Variants in BDH2 observed in about 807,000 individuals in gnomAD.
BDH2 encodes dehydrogenase/reductase SDR family member 6.
A neutral mutation model predicts 33.2 loss-of-function variants in BDH2; 24 were observed. The observed-to-expected ratio is 0.72, with a 90% confidence interval of 0.52 to 1.02. The LOEUF is 1.02. Among genes scored for constraint, BDH2 ranks in the 50% least tolerant of loss-of-function variants. The pLI, the probability that BDH2 is intolerant of heterozygous loss-of-function variation, is 0.00. For synonymous variants in BDH2, 81 were observed against 101.6 expected (o/e 0.80, Z 1.22); for missense variants, 249 against 301.6 (o/e 0.83, Z 1.29).
intron 5 of BDH2, among the ~76,000 whole-genome samples, chr4:103,090,826 A>G (rs1341693098): frequency 1.3e-5 from 2 of 152,070 alleles, no homozygotes; most frequent in East Asian, 1.9e-4. Context: ...TCTTCATTAT[A>G]TTTAAAACCA....
chr4:103,078,842 A>G lies in BDH2; in HGVS notation c.*860T>C, dbSNP rs1171162200. Among the ~76,000 whole-genome samples the G allele has an allele frequency of 6.6e-6, 1 of 152,104 alleles. No individual in the cohort carries two copies. The highest frequency in any genetic ancestry group is 1.5e-5 in the Non-Finnish European group (1 of 68,026). On this transcript the variant is annotated 3_prime_UTR_variant, in exon 10 of 10. Transcript: ENST00000296424. Reference sequence around the variant, plus strand: ...ATGATTACAGCTCACTGCAGCCTCAAACTCTTGGGCTCAAGTAATCCTCCT... The same window carrying G: ...ATGATTACAGCTCACTGCAGCCTCAGACTCTTGGGCTCAAGTAATCCTCCT...
intron 7 of BDH2, among the ~76,000 whole-genome samples, chr4:103,083,135 T>C (rs1747604978): frequency 6.6e-6 from 1 of 152,232 alleles, no homozygotes; most frequent in Non-Finnish European, 1.5e-5. Flanking sequence ...ACACAGACTA[T>C]GATTCTTCGT....
In BDH2 at chr4:103,082,253, G is replaced by A. The variant is rs1747562288; in HGVS notation, c.592-80C>T. 4 of 1,251,140 alleles carry A rather than the reference G, an allele frequency of 3.2e-6. No individual in the cohort carries two copies. In the African/African-American group the frequency reaches 5.9e-5, roughly 18 times the overall value. The allele number at this position is 1,251,140 out of a possible 1,614,324, so 77.5% of individuals were successfully genotyped here. A position where few individuals can be genotyped will look rare whatever the true frequency, so the allele number is the denominator to read the frequency against. ...CCTGCATCTTGTTCAAGGAGTTAAA[G>A]GCAAGAGAATCCACTGGCTTGCTGC... On this transcript the variant is annotated intron_variant, in intron 8 of 9. Transcript: ENST00000296424.
At chr4:103,086,296 CACTGGCT>C in intron 6 of BDH2, 177 bp downstream of exon 6, 1 of 1,304,706 alleles carries the variant, frequency 7.7e-7, no homozygotes, top group Non-Finnish European at 9.7e-7. Flanking sequence ...TTAATTTTAC[CACTGGCT>C]CACATCGAGA....
chr4:103,083,721 T>C (rs77439163), intron 7 of BDH2, among the ~76,000 whole-genome samples: 2,014 of 152,310 alleles, frequency 0.013, 37 homozygotes, highest in African/African-American at 0.042. Context: ...CTTTCTGAGG[T>C]TGTAACAAAT....
intron 4 of BDH2, chr4:103,092,342 G>GT: frequency 2.2e-6 from 1 of 446,518 alleles, no homozygotes; most frequent in Non-Finnish European, 4.0e-6. Context: ...TCCATACATT[G>GT]TAACACATAA....
At chr4:103,089,667 G>A (rs1229216106) in intron 5 of BDH2, among the ~76,000 whole-genome samples, 2 of 152,072 alleles carry the variant, frequency 1.3e-5, no homozygotes, top group East Asian at 3.9e-4. Context: ...TTGCAAATGA[G>A]TCTCATGCAT....
intron 5 of BDH2, 145 bp from the exon 6 acceptor site, chr4:103,086,685 G>C: frequency 3.9e-6 from 4 of 1,031,088 alleles, no homozygotes; most frequent in Non-Finnish European, 5.4e-6. Flanking sequence ...CTATTAAGCA[G>C]TCTTAACAGT....
rs1213084826 is a variant in BDH2, at chr4:103,086,265, A to T, written c.418+215T>A. The T allele has an allele frequency of 4.6e-6, 6 of 1,308,276 alleles. No homozygotes were observed. The Admixed American group carries it at 1.8e-4, about 39-fold the overall frequency. The allele number at this position is 1,308,276 out of a possible 1,614,324, so 81.0% of individuals were successfully genotyped here. On this transcript the variant is annotated intron_variant, in intron 6 of 9. Coordinates refer to ENST00000296424, the MANE Select transcript of BDH2 (RefSeq NM_020139.4). ...CATTAGAAAGAATAAAAGGGAGGGC[A>T]AAAATACCCCACATTTTAATTTAAT...
At position 103,079,659 on chromosome 4, in the gene BDH2, A is replaced by G. The variant is rs770080083; in HGVS notation, c.*43T>C. On this transcript the variant is annotated 3_prime_UTR_variant, in exon 10 of 10. Transcript: ENST00000296424. Reference sequence around the variant, plus strand: ...TTCTTCGTAACCAGGTTCACTGTGGATAGGAAGGGCCTGCCTTCCTTCCCA... The same window carrying G: ...TTCTTCGTAACCAGGTTCACTGTGGGTAGGAAGGGCCTGCCTTCCTTCCCA... 14 of 1,578,560 alleles carry G rather than the reference A, an allele frequency of 8.9e-6. No individual in the cohort carries two copies. Among genetic ancestry groups the G allele is most frequent in the African/African-American group, 2.7e-5 (2 of 74,244 alleles).
chr4:103,095,337 T>C (rs1748350184), intron 2 of BDH2, 56 bp from the exon 3 acceptor site: 2 of 1,295,906 alleles, frequency 1.5e-6, no homozygotes, highest in South Asian at 2.4e-5. Context: ...ACTGTGCTCA[T>C]GAATGGAACA....
intron 3 of BDH2, among the ~76,000 whole-genome samples, chr4:103,093,721 G>A (rs1218283867): frequency 6.8e-6 from 1 of 146,022 alleles, no homozygotes; most frequent in Admixed American, 6.9e-5. Flanking sequence ...AATAATATAT[G>A]TATAATACAT....
chr4:103,093,110 G>A (rs913160509), intron 3 of BDH2, among the ~76,000 whole-genome samples: 3 of 151,892 alleles, frequency 2.0e-5, no homozygotes, highest in Non-Finnish European at 4.4e-5. Flanking sequence ...TCTCTTCTTT[G>A]AGGTATAATT....
chr4:103,080,859 T>A (rs970880768), intron 9 of BDH2, among the ~76,000 whole-genome samples: 3 of 152,278 alleles, frequency 2.0e-5, no homozygotes, highest in African/African-American at 7.2e-5. Flanking sequence ...AAGGCTCATG[T>A]GCTTCTTCAT....
intron 5 of BDH2, among the ~76,000 whole-genome samples, chr4:103,088,726 G>A (rs1396483664): frequency 6.6e-6 from 1 of 152,164 alleles, no homozygotes; most frequent in Non-Finnish European, 1.5e-5. Flanking sequence ...GTCTTACTCT[G>A]ACCCAGCCCT....
intron 5 of BDH2, among the ~76,000 whole-genome samples, chr4:103,090,148 C>T: frequency 6.6e-6 from 1 of 152,176 alleles, no homozygotes; most frequent in East Asian, 1.9e-4. Context: ...CAATTTACAA[C>T]CTTGAGTTGA....
At chr4:103,079,850 T>A in intron 9 of BDH2, 95 bp from the exon 10 acceptor site, 1 of 1,154,050 alleles carries the variant, frequency 8.7e-7, no homozygotes, top group Non-Finnish European at 1.3e-6. Flanking sequence ...CTAAACAATT[T>A]ACCCTTGTCC....
At position 103,078,285 on chromosome 4, in the gene BDH2, G is replaced by A. The variant is rs903531140; in HGVS notation, c.*1417C>T. On this transcript the variant is annotated 3_prime_UTR_variant, in exon 10 of 10. Coordinates refer to ENST00000296424, the MANE Select transcript of BDH2 (RefSeq NM_020139.4). ...TGAAAAATTTATTTTCTTTAATTTCGTTTGTTTCCTGTTACATAATTTATA... is the reference window on the plus strand; with the variant it reads ...TGAAAAATTTATTTTCTTTAATTTCATTTGTTTCCTGTTACATAATTTATA... Among the ~76,000 whole-genome samples the A allele has an allele frequency of 4.6e-5, 7 of 151,752 alleles. No homozygotes were observed. The highest frequency in any genetic ancestry group is 2.0e-4 in the Admixed American group (3 of 15,236).
chr4:103,080,499 C>A (rs1245168176), intron 9 of BDH2, among the ~76,000 whole-genome samples: 1 of 151,922 alleles, frequency 6.6e-6, no homozygotes, highest in Admixed American at 6.6e-5. Context: ...TCATCTGAAG[C>A]CTGAAACAAT....
Sources: gnomAD v4.1 joint callset for allele counts (sites outside exome capture counted in the v4.1 genomes callset) on GRCh38, gnomAD v4.1.1 for gene constraint, MANE v1.5 for transcripts, NCBI Gene and HGNC (gene_info 2026-07-23, HGNC 2026-07-21) for gene names.